NHS: variants seen among roughly 807,000 people sequenced by gnomAD.
NHS encodes NHS actin remodeling regulator.
Under a neutral mutation model 72.5 loss-of-function variants are expected in NHS, and 5 were observed. That is an observed-to-expected ratio of 0.07 (90% CI 0.04 to 0.14). The LOEUF (loss-of-function observed/expected upper bound fraction) is 0.14. NHS is among the 10% of genes least tolerant of loss of function. The pLI, the probability that NHS is intolerant of heterozygous loss-of-function variation, is 1.00. For missense variants in NHS, 1,072 were observed against 1,355.7 expected (o/e 0.79, Z 3.29); for synonymous variants, 464 against 547.7 (o/e 0.85, Z 2.13).
At chrX:17,728,994 T>C (rs2066469666) in intron 8 of NHS, among the ~76,000 whole-genome samples, 1 of 112,386 alleles carries the variant, frequency 8.9e-6, no homozygotes, top group Non-Finnish European at 1.9e-5. Context: ...TAGACCTCGA[T>C]TGAGAGACTT....
intron 1 of NHS, among the ~76,000 whole-genome samples, chrX:17,483,328 A>AAC (rs774447776): frequency 8.9e-6 from 1 of 112,291 alleles, no homozygotes; most frequent in Non-Finnish European, 1.9e-5. Context: ...TGGTGAGTCT[A>AAC]ACACACATTA....
chrX:17,648,032 C>T (rs1478086417), intron 1 of NHS, among the ~76,000 whole-genome samples: 2 of 110,190 alleles, frequency 1.8e-5, no homozygotes, highest in Non-Finnish European at 3.8e-5. Flanking sequence ...AACCAATAAT[C>T]TTTAACCATT....
intron 1 of NHS, among the ~76,000 whole-genome samples, chrX:17,454,764 A>G (rs989171924): frequency 8.9e-6 from 1 of 111,884 alleles, no homozygotes. Context: ...ATGAGTGCAC[A>G]AGGGAATATC....
At chrX:17,591,872 C>T (rs1382340214) in intron 1 of NHS, among the ~76,000 whole-genome samples, 1 of 111,721 alleles carries the variant, frequency 9.0e-6, no homozygotes, top group African/African-American at 3.3e-5. Flanking sequence ...CCTCATTTCC[C>T]TCCGGCTGCC....
intron 1 of NHS, among the ~76,000 whole-genome samples, chrX:17,558,190 G>C (rs1035180316): frequency 9.0e-6 from 1 of 111,579 alleles, no homozygotes; most frequent in African/African-American, 3.3e-5. Flanking sequence ...CATATTTAAA[G>C]GTGAATTAGA....
At chrX:17,539,694 C>G (rs2065253207) in intron 1 of NHS, among the ~76,000 whole-genome samples, 1 of 111,228 alleles carries the variant, frequency 9.0e-6, no homozygotes, top group Admixed American at 9.6e-5. Context: ...TTGGTTGGAA[C>G]CCCTAGGTTC....
chrX:17,667,827 G>T (rs1477408310), intron 1 of NHS, among the ~76,000 whole-genome samples: 1 of 110,780 alleles, frequency 9.0e-6, no homozygotes, highest in Non-Finnish European at 1.9e-5. Context: ...CAATGACAAT[G>T]CATAGAGCCT....
intron 1 of NHS, among the ~76,000 whole-genome samples, chrX:17,443,453 G>A (rs111327151): frequency 0.048 from 5,369 of 111,437 alleles, 345 homozygotes; most frequent in African/African-American, 0.17. Context: ...GGTCCCCTGA[G>A]CTGTCCATGG....
chrX:17,555,308 G>A (rs7892338), intron 1 of NHS, among the ~76,000 whole-genome samples: 2,499 of 107,392 alleles, frequency 0.023, 70 homozygotes, highest in African/African-American at 0.076. Flanking sequence ...AGACTGCAGT[G>A]ATGATTTGAG....
intron 1 of NHS, among the ~76,000 whole-genome samples, chrX:17,382,084 T>C (rs189084866): frequency 4.2e-4 from 47 of 112,470 alleles, no homozygotes; most frequent in African/African-American, 1.2e-3. Context: ...TTGTTCAAGA[T>C]GTTTGCTCAT....
intron 1 of NHS, among the ~76,000 whole-genome samples, chrX:17,401,224 A>C (rs908374973): frequency 8.9e-6 from 1 of 112,208 alleles, no homozygotes; most frequent in African/African-American, 3.2e-5. Flanking sequence ...TCCTTATATC[A>C]TCACAACATT....
chrX:17,657,494 G>T (rs780331322), intron 1 of NHS, among the ~76,000 whole-genome samples: 1 of 112,560 alleles, frequency 8.9e-6, no homozygotes, highest in Non-Finnish European at 1.9e-5. Flanking sequence ...TCCGTTACCA[G>T]CTCCCTGAGG....
At chrX:17,624,440 C>T (rs2065788151) in intron 1 of NHS, among the ~76,000 whole-genome samples, 2 of 112,594 alleles carry the variant, frequency 1.8e-5, no homozygotes, top group Non-Finnish European at 3.8e-5. Flanking sequence ...TATTAGCTTC[C>T]CAGGATACCC....
Position 17,727,649 on chromosome X carries a change from G to A in NHS, c.3543G>A (p.Arg1181=). ...CTGCCTTGTCTCCAAGTAAGATTAG[G>A]CCGCATACAGCAAATAAATCAGTAT... ...TTAALSPSKI[R]PHTANKSVSR... The change falls in exon 7 of 9, where the codon AGG becomes AGA. Residue 1181 remains arginine, a synonymous_variant. Coordinates refer to ENST00000676302, the MANE Select transcript of NHS (RefSeq NM_001291867.2). 2.5e-6 allele frequency: 3 copies of A among 1,211,496 alleles called. No individual in the cohort carries two copies. The highest frequency in any genetic ancestry group is 3.4e-6 in the Non-Finnish European group (3 of 895,338).
chrX:17,389,943 A>T (rs112848881), intron 1 of NHS, among the ~76,000 whole-genome samples: 610 of 109,330 alleles, frequency 5.6e-3, no homozygotes, highest in African/African-American at 0.018. Context: ...TAACATTTTT[A>T]AAAAAAATGA....
rs1394024914 is a variant in NHS, at chrX:17,692,832, ATTAATAGTACCTGG to A, written c.852+367_852+380del. 3.6e-5 allele frequency among the ~76,000 whole-genome samples: 4 copies of A among 110,212 alleles called. No individual in the cohort carries two copies. In the East Asian group the frequency reaches 1.1e-3, roughly 31 times the overall value. ...GTTCCCTCATCTGTAATATAGGGAT[ATTAATAGTACCTGG>A]TTTATAGGGCTAGAGGATTAAATGA... On this transcript the variant is annotated intron_variant, in intron 3 of 8. Transcript: ENST00000676302.
At chrX:17,712,543 C>CT (rs1235243943) in intron 3 of NHS, among the ~76,000 whole-genome samples, 2 of 106,391 alleles carry the variant, frequency 1.9e-5, no homozygotes, top group African/African-American at 6.9e-5. Context: ...AATAACAATG[C>CT]TTTTTTGTGT....
chrX:17,604,056 G>A (rs1054640596), intron 1 of NHS, among the ~76,000 whole-genome samples: 2 of 110,932 alleles, frequency 1.8e-5, no homozygotes, highest in African/African-American at 6.6e-5. Flanking sequence ...TTAAATAATA[G>A]TTTTAAAATG....
chrX:17,619,590 A>G (rs898541447), intron 1 of NHS, among the ~76,000 whole-genome samples: 1 of 111,984 alleles, frequency 8.9e-6, no homozygotes, highest in Non-Finnish European at 1.9e-5. Flanking sequence ...ACCATGTCCA[A>G]TTAAGCCACA....
Sources: allele counts gnomAD v4.1 joint callset (sites outside exome capture counted in the v4.1 genomes callset), GRCh38; gene constraint gnomAD v4.1.1; transcripts MANE v1.5; gene names NCBI Gene and HGNC (gene_info 2026-07-23, HGNC 2026-07-21).